Variants in OR1F1 observed in about 807,000 individuals in gnomAD.
The protein encoded by OR1F1 is olfactory receptor family 1 subfamily F member 1, also known as olfactory receptor 1F1.
For synonymous variants in OR1F1, 184 were observed against 156.7 expected (o/e 1.17, Z -1.30); for missense variants, 493 against 376.3 (o/e 1.31, Z -2.57).
At chr16:3,205,632 C>T (rs757597416), downstream of OR1F1, among the ~76,000 whole-genome samples, 17 of 152,080 alleles carry the variant, frequency 1.1e-4, no homozygotes, top group South Asian at 4.1e-4. Flanking sequence ...GGACATGTAT[C>T]GGTTCCCAAA....
the OR1F1 span, among the ~76,000 whole-genome samples, chr16:3,197,299 G>A: frequency 6.6e-6 from 1 of 152,060 alleles, no homozygotes; most frequent in African/African-American, 2.4e-5. Flanking sequence ...GATTACAGGT[G>A]TGAGCCACTG....
At position 3,204,901 on chromosome 16, in the gene OR1F1, A is replaced by G. The variant is rs767344014; in HGVS notation, c.655A>G (p.Met219Val). The change falls in exon 1 of 1, where the codon ATG (methionine) becomes GTG (valine). Residue 219 changes from methionine to valine, a missense_variant. Transcript: ENST00000304646. The stretch of plus-strand genomic sequence containing the variant: ...ATTTCTTTGCATCCTGGCTTCTTAT[A>G]TGCACATCACCTGCACTGTCCTGAA... 8.1e-6 allele frequency: 13 copies of G among 1,613,976 alleles called. No homozygotes were observed. The East Asian group carries it at 1.8e-4, about 22-fold the overall frequency.
chr16:3,189,945 TTTTTGTTTTG>T, the OR1F1 span: 1 of 152,320 alleles, frequency 6.6e-6, no homozygotes, highest in Non-Finnish European at 1.5e-5. Flanking sequence ...TTTTTGGTGG[TTTTTGTTTTG>T]TTTTGTTTTG....
the OR1F1 span, among the ~76,000 whole-genome samples, chr16:3,196,289 G>A: frequency 1.3e-5 from 2 of 152,340 alleles, no homozygotes; most frequent in African/African-American, 4.8e-5. Flanking sequence ...GTACTCTCAG[G>A]TCTTTGCCCA....
chr16:3,189,446 C>CCCCA, the OR1F1 span, among the ~76,000 whole-genome samples: 1 of 152,218 alleles, frequency 6.6e-6, no homozygotes, highest in African/African-American at 2.4e-5. Context: ...CAGGGCTGCT[C>CCCCA]CCCATTTTGT....
the OR1F1 span, among the ~76,000 whole-genome samples, chr16:3,197,551 T>C: frequency 8.0e-6 from 1 of 125,120 alleles, no homozygotes; most frequent in Non-Finnish European, 1.6e-5. Flanking sequence ...GACAGCGCAG[T>C]CCTACATCTG....
chr16:3,192,279 A>AACT, the OR1F1 span, among the ~76,000 whole-genome samples: 1 of 149,474 alleles, frequency 6.7e-6, no homozygotes, highest in South Asian at 2.1e-4. Context: ...GATGGTCTTG[A>AACT]TCTGACCTCG....
At chr16:3,196,817 T>TC in the OR1F1 span, among the ~76,000 whole-genome samples, 1 of 149,858 alleles carries the variant, frequency 6.7e-6, no homozygotes, top group Non-Finnish European at 1.5e-5. Flanking sequence ...CACCTCAGCC[T>TC]CCCAAGTAGC....
chr16:3,201,516 G>A (rs1020610551), upstream of OR1F1, among the ~76,000 whole-genome samples: 4 of 152,142 alleles, frequency 2.6e-5, no homozygotes, highest in Admixed American at 6.6e-5. Flanking sequence ...TGCCAAATAC[G>A]TGGAGGAAAA....
downstream of OR1F1, among the ~76,000 whole-genome samples, chr16:3,206,270 CTGTTTTCTGTTGTTTAAGA>C (rs1311870431): frequency 3.3e-5 from 5 of 152,168 alleles, no homozygotes; most frequent in African/African-American, 1.2e-4. Flanking sequence ...CTCTTGAACC[CTGTTTTCTGTTGTTTAAGA>C]TGTTTATCAA....
the OR1F1 span, among the ~76,000 whole-genome samples, chr16:3,192,388 T>C: frequency 6.6e-6 from 1 of 152,128 alleles, no homozygotes; most frequent in Non-Finnish European, 1.5e-5. Flanking sequence ...AAGTCCAGGG[T>C]TTACTCCAGT....
downstream of OR1F1, among the ~76,000 whole-genome samples, chr16:3,205,508 G>A (rs1234621277): frequency 6.7e-6 from 1 of 150,278 alleles, no homozygotes; most frequent in Non-Finnish European, 1.5e-5. Context: ...TTGAGACGGA[G>A]TCTCTCTATG....
chr16:3,199,277 T>C (rs1382465303), upstream of OR1F1, among the ~76,000 whole-genome samples: 1 of 151,772 alleles, frequency 6.6e-6, no homozygotes, highest in African/African-American at 2.4e-5. Flanking sequence ...CATTCCAGCC[T>C]AGGCAACAGA....
chr16:3,204,592 G>A, exon 1 of OR1F1: 4 of 1,614,120 alleles, frequency 2.5e-6, no homozygotes, highest in Non-Finnish European at 3.4e-6. Context: ...TTTCCTCCTA[G>A]CTGTGATGGC....
the OR1F1 span, among the ~76,000 whole-genome samples, chr16:3,192,101 G>A: frequency 4.9e-4 from 75 of 152,320 alleles, no homozygotes; most frequent in Admixed American, 7.8e-4. Flanking sequence ...CGGTCGCCCA[G>A]GCTGGAGTGC....
At chr16:3,203,213 A>T (rs189476153), upstream of OR1F1, among the ~76,000 whole-genome samples, 36 of 152,322 alleles carry the variant, frequency 2.4e-4, 1 homozygote, top group African/African-American at 8.2e-4. Flanking sequence ...TGCTTTTCTC[A>T]ATGAGGCTCT....
At chr16:3,196,255 C>G in the OR1F1 span, among the ~76,000 whole-genome samples, 1 of 152,204 alleles carries the variant, frequency 6.6e-6, no homozygotes, top group Non-Finnish European at 1.5e-5. Context: ...CAGCCCTAGG[C>G]TGCAGAGAAG....
At chr16:3,204,725 C>T (rs768015275) in exon 1 of OR1F1, 29 of 1,614,132 alleles carry the variant, frequency 1.8e-5, no homozygotes, top group Non-Finnish European at 2.5e-5. Context: ...CTTCTGCACA[C>T]CCTGCTGATG....
At chr16:3,204,416 C>G (rs183120097) in exon 1 of OR1F1, 1 of 1,614,126 alleles carries the variant, frequency 6.2e-7, no homozygotes, top group Non-Finnish European at 8.5e-7. Flanking sequence ...TGCCTGCACA[C>G]CCCCATGTAC....
Sources: allele counts gnomAD v4.1 joint callset (sites outside exome capture counted in the v4.1 genomes callset), GRCh38; gene constraint gnomAD v4.1.1; transcripts MANE v1.5; gene names NCBI Gene and HGNC (gene_info 2026-07-23, HGNC 2026-07-21).